The following GPR160 variants were observed in gnomAD, a reference collection of about 807,000 sequenced individuals.
GPR160 encodes probable G protein-coupled receptor 160.
GPR160 carries 2 observed loss-of-function variants against 2.6 expected under a neutral mutation model. That is an observed-to-expected ratio of 0.77 (90% CI 0.32 to 2.44). The LOEUF (loss-of-function observed/expected upper bound fraction) is 2.44. GPR160 is among the 30% of genes most tolerant of loss of function. GPR160 has a pLI of 0.11. For synonymous variants in GPR160, 130 were observed against 132.2 expected (o/e 0.98, Z 0.12); for missense variants, 351 against 383.6 (o/e 0.91, Z 0.71).
intron 2 of GPR160, among the ~76,000 whole-genome samples, chr3:170,078,472 G>A (rs1712973606): frequency 6.6e-6 from 1 of 152,194 alleles, no homozygotes; most frequent in South Asian, 2.1e-4. Context: ...CTCTTGGTCT[G>A]CCTGGTAATG....
At chr3:170,073,350 G>C (rs1712693642) in intron 2 of GPR160, among the ~76,000 whole-genome samples, 1 of 151,954 alleles carries the variant, frequency 6.6e-6, no homozygotes, top group East Asian at 1.9e-4. Context: ...GTTTATTTTT[G>C]TGTATGGTGT....
At chr3:170,068,680 G>A (rs1026493709) in intron 2 of GPR160, among the ~76,000 whole-genome samples, 5 of 151,858 alleles carry the variant, frequency 3.3e-5, no homozygotes, top group Non-Finnish European at 7.4e-5. Flanking sequence ...TTTGTTTTCT[G>A]TTGTTATTAT....
intron 2 of GPR160, among the ~76,000 whole-genome samples, chr3:170,059,244 A>C (rs1464470043): frequency 2.6e-5 from 4 of 152,366 alleles, no homozygotes; most frequent in South Asian, 4.1e-4. Context: ...AAATGAACTA[A>C]AAATAATGAA....
intron 2 of GPR160, among the ~76,000 whole-genome samples, chr3:170,039,992 G>C (rs1467878395): frequency 6.6e-6 from 1 of 151,932 alleles, no homozygotes; most frequent in African/African-American, 2.4e-5. Flanking sequence ...CATGGACACA[G>C]GCAGGGGAAC....
In GPR160 at chr3:170,084,135, A is replaced by G. The variant is rs756218773; in HGVS notation, c.163A>G (p.Met55Val). Reference protein sequence around the residue: ...MRRKNTCQNFMEYFCISLAFV... With the variant: ...MRRKNTCQNFVEYFCISLAFV... ...AAGAAAAAACACCTGTCAAAATTTT[A>G]TGGAATATTTTTGCATTTCACTAGC... The change falls in exon 4 of 4, where the codon ATG becomes GTG. Residue 55 changes from methionine to valine, a missense_variant. Met to Val is a conservative substitution (Grantham distance 21). Transcript: ENST00000355897. 5 of 1,592,272 alleles carry G rather than the reference A, an allele frequency of 3.1e-6. No homozygotes were observed. In the South Asian group the frequency reaches 4.6e-5, roughly 15 times the overall value.
intron 2 of GPR160, among the ~76,000 whole-genome samples, chr3:170,078,631 G>A (rs1250482879): frequency 6.6e-6 from 1 of 150,440 alleles, no homozygotes; most frequent in African/African-American, 2.4e-5. Context: ...ATGACCCCAT[G>A]GGACTGGTCA....
At position 170,038,079 on chromosome 3, in the gene GPR160, G is replaced by C. The variant is rs1716266954; in HGVS notation, c.-458G>C. 6.5e-6 allele frequency: 1 copy of C among 152,792 alleles called. No individual in the cohort carries two copies. The highest frequency in any genetic ancestry group is 1.5e-5 in the Non-Finnish European group (1 of 68,020). The allele number at this position is 152,792 out of a possible 1,614,324, so 9.5% of individuals were successfully genotyped here. A position where few individuals can be genotyped will look rare whatever the true frequency, so the allele number is the denominator to read the frequency against. ...GTGCTCCCCTGCCCCTCCCGGGAGC[G>C]CGCGGGGCGGGGCGGGGCGGGGCGG... is the stretch of plus-strand genomic sequence containing the variant. On this transcript the variant is annotated 5_prime_UTR_variant, in exon 1 of 4. Transcript: ENST00000355897. This position sits in a 1 kb window ranked among gnomAD's most constrained non-coding sequence, Gnocchi z 5.3.
At chr3:170,079,130 G>A (rs536899429) in intron 2 of GPR160, among the ~76,000 whole-genome samples, 9 of 152,306 alleles carry the variant, frequency 5.9e-5, no homozygotes, top group African/African-American at 1.9e-4. Flanking sequence ...TCGGCATTAT[G>A]TCTGTACTGA....
chr3:170,045,605 TAAAAAAAGAAAGAA>T (rs974863776), intron 2 of GPR160, among the ~76,000 whole-genome samples: 27 of 148,874 alleles, frequency 1.8e-4, no homozygotes, highest in Admixed American at 7.4e-4. Flanking sequence ...AAATAAAAAA[TAAAAAAAGAAAGAA>T]AAAAAAAGAA....
intron 2 of GPR160, among the ~76,000 whole-genome samples, chr3:170,068,214 G>A (rs1223275187): frequency 1.3e-5 from 2 of 151,622 alleles, no homozygotes; most frequent in Non-Finnish European, 2.9e-5. Context: ...GTGTGATCTC[G>A]GCTCACTGCA....
intron 2 of GPR160, among the ~76,000 whole-genome samples, chr3:170,046,465 G>A (rs1416680459): frequency 6.6e-6 from 1 of 152,178 alleles, no homozygotes; most frequent in African/African-American, 2.4e-5. Flanking sequence ...CCGCCTGGCA[G>A]GGGTTTAAGG....
chr3:170,080,133 T>C (rs1713050343), intron 3 of GPR160, among the ~76,000 whole-genome samples: 1 of 152,204 alleles, frequency 6.6e-6, no homozygotes, highest in Non-Finnish European at 1.5e-5. Context: ...ATCTTGTAAA[T>C]CTCTTGAGTC....
At chr3:170,052,208 G>T (rs138319052) in intron 2 of GPR160, among the ~76,000 whole-genome samples, 4 of 152,246 alleles carry the variant, frequency 2.6e-5, no homozygotes, top group Non-Finnish European at 5.9e-5. Context: ...TTATAGGCGT[G>T]AGCCTCTGCA....
intron 3 of GPR160, among the ~76,000 whole-genome samples, chr3:170,080,746 G>A (rs1713084143): frequency 6.6e-6 from 1 of 152,202 alleles, no homozygotes; most frequent in Admixed American, 6.5e-5. Flanking sequence ...CTGGCACCCA[G>A]GCTGGAATGC....
intron 2 of GPR160, among the ~76,000 whole-genome samples, chr3:170,074,826 T>A (rs564470390): frequency 1.1e-4 from 16 of 152,240 alleles, no homozygotes; most frequent in East Asian, 9.6e-4. Flanking sequence ...GCTTTTTTTT[T>A]AATCTTCCCT....
intron 2 of GPR160, among the ~76,000 whole-genome samples, chr3:170,043,139 C>G (rs1716537054): frequency 1.3e-5 from 2 of 151,898 alleles, no homozygotes; most frequent in Admixed American, 1.3e-4. Context: ...CCTCAGCCTC[C>G]CAAAGTGCTG....
At chr3:170,078,832 T>A (rs1053147230) in intron 2 of GPR160, among the ~76,000 whole-genome samples, 6 of 151,834 alleles carry the variant, frequency 4.0e-5, no homozygotes, top group African/African-American at 1.5e-4. Flanking sequence ...AAGGGGGAGA[T>A]GTAGATCAGT....
intron 2 of GPR160, among the ~76,000 whole-genome samples, chr3:170,047,860 T>A (rs1716792014): frequency 7.1e-6 from 1 of 141,466 alleles, no homozygotes; most frequent in African/African-American, 2.9e-5. Flanking sequence ...TTTTTTGAGA[T>A]GAAGTCTTGC....
At chr3:170,070,956 G>A (rs1024086493) in intron 2 of GPR160, among the ~76,000 whole-genome samples, 16 of 151,946 alleles carry the variant, frequency 1.1e-4, no homozygotes, top group Admixed American at 5.2e-4. Context: ...TATATACTTG[G>A]ACCCCAATCC....
Sources: allele counts gnomAD v4.1 joint callset (sites outside exome capture counted in the v4.1 genomes callset), GRCh38; gene constraint gnomAD v4.1.1; non-coding constraint Gnocchi (gnomAD v3.1); transcripts MANE v1.5; gene names NCBI Gene and HGNC (gene_info 2026-07-23, HGNC 2026-07-21).